SEMA3D: variants seen among roughly 807,000 people sequenced by gnomAD.
The protein encoded by SEMA3D is semaphorin-3D.
Under a neutral mutation model 100.1 loss-of-function variants are expected in SEMA3D, and 84 were observed. The observed-to-expected ratio is 0.84, with a 90% CI of 0.70 to 1.01. The LOEUF is 1.01. Ranked by LOEUF, SEMA3D falls within the 50% of genes least tolerant of loss-of-function variation. SEMA3D has a pLI of 0.00. For synonymous variants in SEMA3D, 312 were observed against 320.7 expected (o/e 0.97, Z 0.29); for missense variants, 875 against 934.1 (o/e 0.94, Z 0.82).
chr7:85,225,815 C>A, the SEMA3D span, among the ~76,000 whole-genome samples: 14 of 152,216 alleles, frequency 9.2e-5, no homozygotes, highest in South Asian at 2.5e-3. Flanking sequence ...GCCACACTCC[C>A]CATTGCATCC....
intron 1 of SEMA3D, among the ~76,000 whole-genome samples, chr7:85,166,323 A>T (rs1273779752): frequency 2.0e-5 from 3 of 152,042 alleles, no homozygotes; most frequent in Non-Finnish European, 4.4e-5. Context: ...TTATGATAAA[A>T]TGAGAAGAAA....
the SEMA3D span, among the ~76,000 whole-genome samples, chr7:85,221,193 T>A: frequency 2.0e-5 from 3 of 152,006 alleles, no homozygotes; most frequent in Non-Finnish European, 4.4e-5. Context: ...TTGGACAGTG[T>A]TTGCCTAAAC....
intron 5 of SEMA3D, among the ~76,000 whole-genome samples, chr7:85,080,057 A>G (rs1788008018): frequency 6.6e-6 from 1 of 151,964 alleles, no homozygotes; most frequent in African/African-American, 2.4e-5. Context: ...TTATGTTAAC[A>G]CTCCCTGATA....
intron 12 of SEMA3D, among the ~76,000 whole-genome samples, chr7:85,034,028 T>G (rs1790622571): frequency 6.6e-6 from 1 of 152,070 alleles, no homozygotes; most frequent in Non-Finnish European, 1.5e-5. Context: ...AGCCAAGAAT[T>G]TGGAGTTTGG....
At chr7:85,000,093 G>C (rs958972247) in intron 18 of SEMA3D, among the ~76,000 whole-genome samples, 1 of 152,082 alleles carries the variant, frequency 6.6e-6, no homozygotes, top group African/African-American at 2.4e-5. Flanking sequence ...TTGAATCTTA[G>C]TAAGTCTAAC....
chr7:85,228,108 T>C, the SEMA3D span, among the ~76,000 whole-genome samples: 8 of 152,252 alleles, frequency 5.3e-5, no homozygotes, highest in African/African-American at 1.9e-4. Flanking sequence ...AATTTTATGA[T>C]GAAAAATGAC....
chr7:85,012,538 A>T (rs1021246959), intron 17 of SEMA3D, among the ~76,000 whole-genome samples: 4 of 151,860 alleles, frequency 2.6e-5, no homozygotes, highest in Non-Finnish European at 5.9e-5. Context: ...AAAGAAACAA[A>T]AGCTACAGTT....
At position 85,064,764 on chromosome 7, in the gene SEMA3D, G is replaced by T. The variant is rs116476626; in HGVS notation, c.718+660C>A. ...GGAGTGGGGTGGAGTTAGGTGCCTTGTAGTGTTCCTTGGATTAATTAAATA... is the reference window on the plus strand; with the variant it reads ...GGAGTGGGGTGGAGTTAGGTGCCTTTTAGTGTTCCTTGGATTAATTAAATA... On this transcript the variant is annotated intron_variant, in intron 8 of 18. Coordinates refer to ENST00000284136, the MANE Select transcript of SEMA3D (RefSeq NM_001384900.1). Among the ~76,000 whole-genome samples the T allele has an allele frequency of 3.9e-3, 593 of 152,132 alleles. 6 individuals are homozygous for T. The highest frequency in any genetic ancestry group is 0.014 in the African/African-American group (576 of 41,528).
chr7:85,006,619 A>G (rs1366830407), intron 18 of SEMA3D, among the ~76,000 whole-genome samples, 183 bp downstream of exon 18: 2 of 151,948 alleles, frequency 1.3e-5, no homozygotes, highest in Admixed American at 6.6e-5. Flanking sequence ...TTACGAATAC[A>G]TTTGTGTGAA....
intron 15 of SEMA3D, among the ~76,000 whole-genome samples, chr7:85,016,873 G>T (rs1353503995): frequency 6.8e-6 from 1 of 147,432 alleles, no homozygotes; most frequent in Non-Finnish European, 1.5e-5. Flanking sequence ...TCCCATTCTA[G>T]GCTCCTGAGT....
chr7:85,055,076 C>A (rs59006756), intron 9 of SEMA3D, among the ~76,000 whole-genome samples: 1 of 151,566 alleles, frequency 6.6e-6, no homozygotes, highest in Non-Finnish European at 1.5e-5. Flanking sequence ...TTGTTTTTTC[C>A]TCTTTACCTC....
chr7:85,190,753 A>T (rs1025503880), upstream of SEMA3D, among the ~76,000 whole-genome samples: 1 of 152,158 alleles, frequency 6.6e-6, no homozygotes, highest in Non-Finnish European at 1.5e-5. Context: ...GACAGAAAAC[A>T]GTTTATCTTT....
the SEMA3D span, among the ~76,000 whole-genome samples, chr7:85,214,589 C>G: frequency 2.7e-5 from 4 of 150,458 alleles, no homozygotes; most frequent in Non-Finnish European, 4.4e-5. Flanking sequence ...CTCTACCTCC[C>G]GGGTTCAAGC....
intron 6 of SEMA3D, among the ~76,000 whole-genome samples, chr7:85,071,813 A>G (rs970994745): frequency 6.6e-6 from 1 of 152,222 alleles, no homozygotes; most frequent in Non-Finnish European, 1.5e-5. Flanking sequence ...TGGAGCTACC[A>G]TATTGTATGC....
intron 12 of SEMA3D, among the ~76,000 whole-genome samples, chr7:85,035,415 T>C (rs1790667488): frequency 6.6e-6 from 1 of 151,894 alleles, no homozygotes; most frequent in African/African-American, 2.4e-5. Flanking sequence ...AACAAGGAAA[T>C]TCTGCATACA....
intron 2 of SEMA3D, among the ~76,000 whole-genome samples, chr7:85,148,941 A>T (rs1266210961): frequency 7.9e-5 from 12 of 152,008 alleles, no homozygotes; most frequent in Admixed American, 6.6e-4. Context: ...ACTTAGTTAA[A>T]TTTTTTTAGA....
chr7:85,086,627 TCTCC>T (rs899742331), intron 4 of SEMA3D, among the ~76,000 whole-genome samples: 46 of 146,330 alleles, frequency 3.1e-4, no homozygotes, highest in Non-Finnish European at 6.2e-4. Context: ...TCTCTCTCTC[TCTCC>T]GTGTGTGTGT....
upstream of SEMA3D, among the ~76,000 whole-genome samples, chr7:85,190,299 C>G (rs889193641): frequency 5.3e-5 from 8 of 152,140 alleles, no homozygotes; most frequent in Non-Finnish European, 1.0e-4. Flanking sequence ...GTTTACTTCT[C>G]TAAAACTAGT....
At chr7:85,126,197 T>C (rs987978443) in intron 2 of SEMA3D, among the ~76,000 whole-genome samples, 2 of 152,126 alleles carry the variant, frequency 1.3e-5, no homozygotes, top group Non-Finnish European at 2.9e-5. Flanking sequence ...ATATGAAATT[T>C]TACATGTGAA....
Sources: allele counts gnomAD v4.1 joint callset (sites outside exome capture counted in the v4.1 genomes callset), GRCh38; gene constraint gnomAD v4.1.1; transcripts MANE v1.5; gene names NCBI Gene and HGNC (gene_info 2026-07-23, HGNC 2026-07-21).